The following CYRIA variants were observed in gnomAD, a reference collection of about 807,000 sequenced individuals.
CYRIA encodes CYFIP-related Rac1 interactor A.
In CYRIA, 15 loss-of-function variants were observed where a neutral mutation model predicts 43.9. That is an observed-to-expected ratio of 0.34 (90% confidence interval 0.23 to 0.53). The LOEUF (loss-of-function observed/expected upper bound fraction) is 0.53, where lower values mean the gene tolerates loss of function less well. Among genes scored for constraint, CYRIA ranks in the 20% least tolerant of loss-of-function variants. CYRIA has a pLI of 0.94. For missense variants in CYRIA, 236 were observed against 394.2 expected (o/e 0.60, Z 3.40); for synonymous variants, 117 against 136.0 (o/e 0.86, Z 0.97).
intron 10 of CYRIA, among the ~76,000 whole-genome samples, chr2:16,556,687 T>C (rs969269399): frequency 3.9e-5 from 6 of 151,968 alleles, no homozygotes; most frequent in Admixed American, 1.3e-4. Context: ...ATGTGGTTAA[T>C]ATGGAAAAGG....
intron 2 of CYRIA, among the ~76,000 whole-genome samples, chr2:16,601,593 A>G (rs1668207764): frequency 6.6e-6 from 1 of 151,898 alleles, no homozygotes; most frequent in African/African-American, 2.4e-5. Context: ...GGTATTTTCT[A>G]TGACCGCTTT....
At chr2:16,628,936 A>G (rs1410374954) in intron 1 of CYRIA, among the ~76,000 whole-genome samples, 1 of 152,200 alleles carries the variant, frequency 6.6e-6, no homozygotes, top group Non-Finnish European at 1.5e-5. Context: ...TTGAGAAGGC[A>G]GGGTGTCACT....
rs758442908 is a variant in CYRIA at position 16,561,210 on chromosome 2, G to A, written c.581C>T (p.Thr194Met). 8 of 1,613,650 alleles carry A rather than the reference G, an allele frequency of 5.0e-6. No individual in the cohort carries two copies. The highest frequency in any genetic ancestry group is 2.2e-5 in the East Asian group (1 of 44,876). ...ATTGCTAAGGGTTTTCAGCATTGGC[G>A]TGGCTTCTGCATAGAAGAGGGACAT... ...NRMSLFYAEATPMLKTLSNAT... is the reference protein window; with the variant it reads ...NRMSLFYAEAMPMLKTLSNAT... Residue 194 changes from threonine to methionine, a missense_variant, in exon 8 of 12, where the codon ACG (threonine) becomes ATG (methionine). By Grantham distance (81) the Thr-to-Met change is moderately conservative (BLOSUM62 -1). Coordinates refer to ENST00000381323, the MANE Select transcript of CYRIA (RefSeq NM_030797.4).
intron 2 of CYRIA, among the ~76,000 whole-genome samples, chr2:16,612,455 A>G (rs556667793): frequency 6.6e-6 from 1 of 152,322 alleles, no homozygotes; most frequent in African/African-American, 2.4e-5. Context: ...TAATAAAGAT[A>G]TAGCTAAAGA....
In CYRIA at chr2:16,618,584, C is replaced by T. The variant is rs184744310; in HGVS notation, c.-11+5280G>A. Among the ~76,000 whole-genome samples the T allele has an allele frequency of 4.7e-4, 72 of 152,280 alleles. 2 individuals are homozygous for T. The highest frequency in any genetic ancestry group is 4.2e-3 in the Admixed American group (65 of 15,300). On this transcript the variant is annotated intron_variant, in intron 2 of 11. Transcript: ENST00000381323. ...GTAAAGAGCATGTGACAGAGCTGCCCTTGTCTCCAAAAGACTCCATCAGAG... is the reference window on the plus strand; with the variant it reads ...GTAAAGAGCATGTGACAGAGCTGCCTTTGTCTCCAAAAGACTCCATCAGAG...
At chr2:16,657,733 A>G (rs192737931) in intron 1 of CYRIA, among the ~76,000 whole-genome samples, 48 of 152,298 alleles carry the variant, frequency 3.2e-4, no homozygotes, top group African/African-American at 1.0e-3. Context: ...ATGTGCTTCC[A>G]AATTCAGAAA....
chr2:16,593,973 C>T (rs1286020505), intron 2 of CYRIA, among the ~76,000 whole-genome samples: 6 of 99,630 alleles, frequency 6.0e-5, no homozygotes, highest in East Asian at 3.0e-4. Context: ...TGAGAATATG[C>T]GGTGTTTGGT....
intron 3 of CYRIA, among the ~76,000 whole-genome samples, chr2:16,576,400 G>T (rs1449268685): frequency 6.6e-6 from 1 of 152,150 alleles, no homozygotes; most frequent in Non-Finnish European, 1.5e-5. Flanking sequence ...TGAATATAGA[G>T]ACTTTTTTCA....
At chr2:16,656,510 G>A (rs1214787380) in intron 1 of CYRIA, among the ~76,000 whole-genome samples, 1 of 152,122 alleles carries the variant, frequency 6.6e-6, no homozygotes, top group Non-Finnish European at 1.5e-5. Context: ...AAGGCCTTCA[G>A]GATCCTGGAA....
At chr2:16,644,998 T>C (rs895517512) in intron 1 of CYRIA, among the ~76,000 whole-genome samples, 5 of 152,198 alleles carry the variant, frequency 3.3e-5, no homozygotes, top group African/African-American at 1.2e-4. Flanking sequence ...ACTTTGATGT[T>C]GGTACAAATC....
chr2:16,568,481 A>G (rs1458073886), intron 3 of CYRIA, among the ~76,000 whole-genome samples: 4 of 152,208 alleles, frequency 2.6e-5, no homozygotes, highest in African/African-American at 9.6e-5. Flanking sequence ...TCCACAAGCT[A>G]GGAGGCCCGT....
chr2:16,635,585 G>A (rs73918627), intron 1 of CYRIA, among the ~76,000 whole-genome samples: 2,546 of 152,264 alleles, frequency 0.017, 78 homozygotes, highest in African/African-American at 0.058. Flanking sequence ...TCCCCCCACA[G>A]TGACACCAGG....
At chr2:16,583,524 A>G (rs1667621734) in intron 3 of CYRIA, among the ~76,000 whole-genome samples, 1 of 152,210 alleles carries the variant, frequency 6.6e-6, no homozygotes, top group African/African-American at 2.4e-5. Flanking sequence ...AAGGTTCACC[A>G]GATGTTTCTA....
In CYRIA at chr2:16,665,761, C is replaced by G. The variant is rs1280231101; in HGVS notation, c.-167+19G>C. 1 of 146,644 alleles carries G rather than the reference C, an allele frequency of 6.8e-6. No homozygotes were observed. Among genetic ancestry groups the G allele is most frequent in the Non-Finnish European group, 1.5e-5 (1 of 65,868 alleles). 9.1% of individuals were successfully genotyped at this position (146,644 alleles called of 1,614,324 possible). A position where few individuals can be genotyped will look rare whatever the true frequency, so the allele number is the denominator to read the frequency against. On this transcript the variant is annotated intron_variant, in intron 1 of 11. Transcript: ENST00000381323. ...CCCCGCCCGCGCCCCTGCCGCGCCC[C>G]CAGCCGCGCCGCGCTCACCGAGTCG...
At chr2:16,657,486 T>A (rs989001328) in intron 1 of CYRIA, among the ~76,000 whole-genome samples, 1 of 152,030 alleles carries the variant, frequency 6.6e-6, no homozygotes, top group Non-Finnish European at 1.5e-5. Context: ...TGTTGTTTTT[T>A]TTTTTTTGGC....
chr2:16,602,120 A>G (rs1424431259), intron 2 of CYRIA, among the ~76,000 whole-genome samples: 1 of 152,260 alleles, frequency 6.6e-6, no homozygotes, highest in African/African-American at 2.4e-5. Context: ...AAACAAATCA[A>G]TACAACAGCA....
At chr2:16,562,240 C>A (rs1666764369) in intron 5 of CYRIA, 99 bp from the exon 6 acceptor site, 6 of 1,278,734 alleles carry the variant, frequency 4.7e-6, no homozygotes, top group Non-Finnish European at 6.5e-6. Context: ...CGGAGATCAC[C>A]TGCTTGAGTC....
chr2:16,625,777 C>A (rs949991377), intron 1 of CYRIA: 28 of 151,770 alleles, frequency 1.8e-4, no homozygotes, highest in African/African-American at 6.5e-4. Flanking sequence ...GATCTGGAAA[C>A]AAGAGAAAAG....
intron 1 of CYRIA, among the ~76,000 whole-genome samples, chr2:16,628,481 A>AGCTT (rs1669230804): frequency 6.6e-6 from 1 of 152,224 alleles, no homozygotes; most frequent in Admixed American, 6.5e-5. Context: ...CTGTCAGAGC[A>AGCTT]CATGGGCACA....
Sources: allele counts gnomAD v4.1 joint callset (sites outside exome capture counted in the v4.1 genomes callset), GRCh38; gene constraint gnomAD v4.1.1; transcripts MANE v1.5; gene names NCBI Gene and HGNC (gene_info 2026-07-23, HGNC 2026-07-21).